Variants in PSMG2 observed in about 807,000 individuals in gnomAD.
PSMG2 encodes the protein proteasome assembly chaperone 2.
A neutral mutation model predicts 31.5 loss-of-function variants in PSMG2; 21 were observed. The ratio of observed to expected loss-of-function variants is 0.67; its 90% CI spans 0.47 to 0.96. The LOEUF is 0.96. Among genes scored for constraint, PSMG2 ranks in the 40% least tolerant of loss-of-function variants. The probability of loss-of-function intolerance (pLI) is 0.00; values close to 1 mark genes in which losing one functional copy is unlikely to be tolerated. For missense variants in PSMG2, 318 were observed against 321.2 expected (o/e 0.99, Z 0.08); for synonymous variants, 120 against 110.4 (o/e 1.09, Z -0.54).
At chr18:12,702,522 G>T, upstream of PSMG2, 2 of 1,608,876 alleles carry the variant, frequency 1.2e-6, no homozygotes, top group Non-Finnish European at 1.7e-6. Context: ...GCTTCAGCTC[G>T]GAGGCTTTCT....
chr18:12,681,805 A>G (rs2039358364), intron 1 of PSMG2, among the ~76,000 whole-genome samples: 1 of 152,106 alleles, frequency 6.6e-6, no homozygotes, highest in Non-Finnish European at 1.5e-5. Context: ...TATTACTTTC[A>G]ATTTTAAAAA....
At chr18:12,666,436 GTT>G (rs557490556) in intron 1 of PSMG2, among the ~76,000 whole-genome samples, 1 of 126,620 alleles carries the variant, frequency 7.9e-6, no homozygotes, top group Non-Finnish European at 1.7e-5. Context: ...AAATTTTATG[GTT>G]TTTTTTTTTT....
intron 1 of PSMG2, among the ~76,000 whole-genome samples, chr18:12,677,935 G>A (rs12457771): frequency 0.24 from 36,065 of 152,068 alleles, 4,966 homozygotes; most frequent in Non-Finnish European, 0.32. Flanking sequence ...AGATTTTTGA[G>A]TCTCAGAACT....
intron 1 of PSMG2, among the ~76,000 whole-genome samples, chr18:12,681,395 C>T (rs1050988021): frequency 2.0e-5 from 3 of 151,250 alleles, no homozygotes; most frequent in Non-Finnish European, 2.9e-5. Context: ...TAAAGGTGTG[C>T]ACCATGACAC....
At chr18:12,661,540 C>T (rs56271712) in intron 1 of PSMG2, among the ~76,000 whole-genome samples, 21,269 of 151,978 alleles carry the variant, frequency 0.14, 1,733 homozygotes, top group African/African-American at 0.2. Flanking sequence ...GGGAAGCCAA[C>T]GCAGGCAGAT....
chr18:12,711,128 C>T (rs1269958455), intron 2 of PSMG2, among the ~76,000 whole-genome samples: 3 of 151,908 alleles, frequency 2.0e-5, no homozygotes, highest in Non-Finnish European at 4.4e-5. Flanking sequence ...AAAAATTAGC[C>T]AGGCGTGGTG....
chr18:12,716,358 A>G (rs1014233997), intron 3 of PSMG2, among the ~76,000 whole-genome samples: 5 of 149,954 alleles, frequency 3.3e-5, no homozygotes, highest in African/African-American at 7.4e-5. Context: ...AACGTATAAT[A>G]TAAATTTTTG....
At position 12,706,659 on chromosome 18, in the gene PSMG2, T is replaced by C; in HGVS notation, c.167T>C (p.Val56Ala). 6.2e-7 allele frequency: 1 copy of C among 1,613,812 alleles called. No homozygotes were observed. The highest frequency in any genetic ancestry group is 8.5e-7 in the Non-Finnish European group (1 of 1,179,744). The change falls in exon 2 of 7, where the codon GTT becomes GCT. Residue 56 changes from valine to alanine, a missense_variant. Coordinates refer to ENST00000317615, the MANE Select transcript of PSMG2 (RefSeq NM_020232.5). Reference protein sequence around the residue: ...YFYTDCLVPMVGNNPYATTEG... With the variant: ...YFYTDCLVPMAGNNPYATTEG... ...TATACCGATTGTCTTGTGCCAATGGTTGGAAACAATCCATATGCGACCACA... is the reference window on the plus strand; with the variant it reads ...TATACCGATTGTCTTGTGCCAATGGCTGGAAACAATCCATATGCGACCACA...
chr18:12,717,990 ATTTCT>A (rs1225816071), intron 3 of PSMG2, among the ~76,000 whole-genome samples: 1 of 148,824 alleles, frequency 6.7e-6, no homozygotes, highest in Non-Finnish European at 1.5e-5. Flanking sequence ...TGATTCATTG[ATTTCT>A]TTTCTTTTTC....
rs933944923 is a variant in PSMG2 at position 12,684,033 on chromosome 18, A to AT, written c.-36-22508dup. Reference sequence around the variant, plus strand: ...TATATATGATATCATATATATATGTATTTTTTTTTGAGACAGAGTCTTGCT... The same window carrying AT: ...TATATATGATATCATATATATATGTATTTTTTTTTTGAGACAGAGTCTTGCT... On this transcript the variant is annotated intron_variant, in intron 1 of 6. Transcript: ENST00000585331. 3.6e-4 allele frequency among the ~76,000 whole-genome samples: 53 copies of AT among 149,236 alleles called. 2 individuals carry two copies. In the East Asian group the frequency reaches 8.1e-3, roughly 23 times the overall value.
At chr18:12,680,886 C>A in intron 1 of PSMG2, 1 of 1,408,780 alleles carries the variant, frequency 7.1e-7, no homozygotes, top group Non-Finnish European at 9.7e-7. Flanking sequence ...TCATTACATA[C>A]TTAAATACTA....
chr18:12,682,112 C>T (rs556022995), intron 1 of PSMG2, among the ~76,000 whole-genome samples: 8 of 151,976 alleles, frequency 5.3e-5, no homozygotes, highest in African/African-American at 1.4e-4. Context: ...GAAGACTACA[C>T]GCGAAAGCAA....
At chr18:12,704,061 A>G (rs2040233852) in intron 1 of PSMG2, among the ~76,000 whole-genome samples, 1 of 152,124 alleles carries the variant, frequency 6.6e-6, no homozygotes, top group Admixed American at 6.5e-5. Context: ...TACATATAAA[A>G]CACACAGCCC....
chr18:12,704,399 C>T (rs892481635), intron 1 of PSMG2, among the ~76,000 whole-genome samples: 2 of 151,994 alleles, frequency 1.3e-5, no homozygotes, highest in Admixed American at 6.6e-5. Flanking sequence ...CCAGCCTGGG[C>T]GACATAGTGA....
At chr18:12,672,743 G>T in intron 1 of PSMG2, 1 of 972,516 alleles carries the variant, frequency 1.0e-6, no homozygotes, top group Non-Finnish European at 1.2e-6. Flanking sequence ...ATTTCTAAAT[G>T]ATTCATGTAC....
intron 1 of PSMG2, among the ~76,000 whole-genome samples, chr18:12,681,065 A>G (rs2039330148): frequency 6.6e-6 from 1 of 151,812 alleles, no homozygotes; most frequent in Non-Finnish European, 1.5e-5. Context: ...CGGGTGTGGT[A>G]GCACACACCA....
intron 5 of PSMG2, among the ~76,000 whole-genome samples, chr18:12,720,932 G>C (rs1000657736): frequency 3.3e-5 from 5 of 152,200 alleles, no homozygotes; most frequent in Middle Eastern, 3.2e-3. Context: ...TTGGAAGGCC[G>C]AGGCAGGCGG....
intron 1 of PSMG2, among the ~76,000 whole-genome samples, chr18:12,681,081 C>T (rs149391218): frequency 6.3e-4 from 96 of 151,866 alleles, no homozygotes; most frequent in Non-Finnish European, 1.2e-3. Flanking sequence ...CACCATTAGT[C>T]CCAGCTACTC....
chr18:12,684,502 T>C (rs1286661044), intron 1 of PSMG2: 1 of 150,402 alleles, frequency 6.6e-6, no homozygotes, highest in Non-Finnish European at 1.5e-5. Context: ...TTTTTTGAGA[T>C]GGAGTTTTGC....
Sources: gnomAD v4.1 joint callset for allele counts (sites outside exome capture counted in the v4.1 genomes callset) on GRCh38, gnomAD v4.1.1 for gene constraint, MANE v1.5 for transcripts, NCBI Gene and HGNC (gene_info 2026-07-23, HGNC 2026-07-21) for gene names.